ARHGEF7: variants seen among roughly 807,000 people sequenced by gnomAD.
The protein encoded by ARHGEF7 is Rho guanine nucleotide exchange factor 7, also known as PAK-interacting exchange factor beta.
Under a neutral mutation model 109.8 loss-of-function variants are expected in ARHGEF7, and 33 were observed. The ratio of observed to expected loss-of-function variants is 0.30; its 90% CI spans 0.23 to 0.40. The LOEUF is 0.40. ARHGEF7 is among the 10% of genes least tolerant of loss of function. The pLI, the probability that ARHGEF7 is intolerant of heterozygous loss-of-function variation, is 1.00. For missense variants in ARHGEF7, 938 were observed against 1,098.5 expected (o/e 0.85, Z 2.07); for synonymous variants, 458 against 424.6 (o/e 1.08, Z -0.97).
At position 111,125,143 on chromosome 13, in the gene ARHGEF7, T is replaced by C. The variant is rs1255400217; in HGVS notation, c.165+9452T>C. Among the ~76,000 whole-genome samples, 3 of 151,958 alleles carry C rather than the reference T, an allele frequency of 2.0e-5. No individual in the cohort carries two copies. The East Asian group carries it at 5.8e-4, about 29-fold the overall frequency. ...TGGAGGGATTTTTTTTCAAGAGAAG[T>C]GAGGCTGAAATAATTTTACTGTACT... On this transcript the variant is annotated intron_variant, in intron 1 of 21. Transcript: ENST00000646102.
At position 111,227,816 on chromosome 13, in the gene ARHGEF7, A is replaced by T. The variant is rs1209812128; in HGVS notation, c.671-5389A>T. 2.6e-5 allele frequency among the ~76,000 whole-genome samples: 4 copies of T among 152,240 alleles called. 1 individual carries two copies. The highest frequency in any genetic ancestry group is 2.6e-4 in the Admixed American group (4 of 15,286). On this transcript the variant is annotated intron_variant, in intron 5 of 21. Transcript: ENST00000646102. ...TTTGTATTTCAGTGACATTTGGCAGATACCTCCTGATGCCCCATTTTGTTC... is the reference window on the plus strand; with the variant it reads ...TTTGTATTTCAGTGACATTTGGCAGTTACCTCCTGATGCCCCATTTTGTTC...
intron 2 of ARHGEF7, among the ~76,000 whole-genome samples, chr13:111,196,970 C>G (rs1456420216): frequency 6.6e-6 from 1 of 152,164 alleles, no homozygotes; most frequent in Non-Finnish European, 1.5e-5. Context: ...TAAGCTGCCT[C>G]TTTTTCAGGG....
chr13:111,241,553 A>G (rs550344979), intron 6 of ARHGEF7, among the ~76,000 whole-genome samples: 20 of 152,340 alleles, frequency 1.3e-4, no homozygotes, highest in Admixed American at 3.3e-4. Context: ...GAATTAACCA[A>G]CTTAACTATT....
chr13:111,166,312 CG>C (rs2077123271), intron 2 of ARHGEF7, among the ~76,000 whole-genome samples: 1 of 152,110 alleles, frequency 6.6e-6, no homozygotes, highest in African/African-American at 2.4e-5. Context: ...TCGTGGGGAG[CG>C]AGATCAGGTG....
intron 5 of ARHGEF7, among the ~76,000 whole-genome samples, chr13:111,226,306 G>A (rs148880066): frequency 8.6e-4 from 131 of 152,380 alleles, no homozygotes; most frequent in African/African-American, 3.0e-3. Flanking sequence ...GAAGCAGCAC[G>A]TGCTGACGGA....
Position 111,154,049 on chromosome 13 carries a change from G to C in ARHGEF7, c.252+58G>C, listed in dbSNP as rs1226138596. On this transcript the variant is annotated intron_variant, in intron 2 of 21. Transcript: ENST00000646102. ...GCCGGGAAGACGGGGTTGGGCCCGG[G>C]GTGGGTGCTTCGCTCCAGCCGGACC... is the stretch of plus-strand genomic sequence containing the variant. 4.6e-5 allele frequency: 69 copies of C among 1,507,410 alleles called. 1 individual carries two copies. The South Asian group carries it at 8.3e-4, about 18-fold the overall frequency. 93.4% of individuals were successfully genotyped at this position (1,507,410 alleles called of 1,614,324 possible).
At chr13:111,218,167 TC>T (rs1012557874) in intron 5 of ARHGEF7, among the ~76,000 whole-genome samples, 1 of 151,856 alleles carries the variant, frequency 6.6e-6, no homozygotes, top group Non-Finnish European at 1.5e-5. Flanking sequence ...AAAGAATTGA[TC>T]TTTTTTTTTT....
chr13:111,280,524 C>T lies in ARHGEF7; in HGVS notation c.1586-14C>T, dbSNP rs1269647939. On this transcript the variant is annotated splice_polypyrimidine_tract_variant and intron_variant, in intron 14 of 21. Transcript: ENST00000646102. ...GTGTTTCCACTCGGCCTATTTTTTC[C>T]TTCTCTCCTATAGGGAGCATGATTG... 4.4e-6 allele frequency: 7 copies of T among 1,580,036 alleles called. No homozygotes were observed. The highest frequency in any genetic ancestry group is 2.2e-5 in the East Asian group (1 of 44,502).
At chr13:111,177,242 G>A (rs766307506) in intron 2 of ARHGEF7, among the ~76,000 whole-genome samples, 15 of 152,234 alleles carry the variant, frequency 9.9e-5, no homozygotes, top group Non-Finnish European at 1.8e-4. Flanking sequence ...CATTGTGGCC[G>A]GGGCTGAGGC....
chr13:111,293,862 T>C, intron 19 of ARHGEF7: 1 of 985,404 alleles, frequency 1.0e-6, no homozygotes, highest in Non-Finnish European at 1.2e-6. Flanking sequence ...AGTCTTGTCC[T>C]GGGAGCCGGG....
At chr13:111,250,527 A>AG (rs1375594591) in intron 8 of ARHGEF7, among the ~76,000 whole-genome samples, 3 of 152,216 alleles carry the variant, frequency 2.0e-5, no homozygotes. Context: ...CTGAGCACTG[A>AG]GGGGTAAATG....
intron 2 of ARHGEF7, among the ~76,000 whole-genome samples, chr13:111,197,231 G>A (rs1044968496): frequency 1.3e-5 from 2 of 151,258 alleles, no homozygotes; most frequent in East Asian, 1.9e-4. Context: ...GCTCGCCGAC[G>A]CAGCAGCAGA....
intron 18 of ARHGEF7, 127 bp downstream of exon 18, chr13:111,288,570 T>G (rs1008142502): frequency 9.1e-6 from 5 of 549,940 alleles, no homozygotes; most frequent in Non-Finnish European, 1.5e-5. Flanking sequence ...CAGTGAGTGA[T>G]GTTTCAGTCA....
Position 111,244,231 on chromosome 13 carries a change from G to A in ARHGEF7, c.887G>A (p.Gly296Glu), listed in dbSNP as rs2088361696. The A allele has an allele frequency of 6.2e-7, 1 of 1,609,652 alleles. No homozygotes were observed. Among genetic ancestry groups the A allele is most frequent in the African/African-American group, 1.3e-5 (1 of 74,738 alleles). ...TCAGCAAACATTTCATATTTAATGGGAAATCTAGAAGAAATATGTTCTTTC... is the reference window on the plus strand; with the variant it reads ...TCAGCAAACATTTCATATTTAATGGAAAATCTAGAAGAAATATGTTCTTTC... ...LSSANISYLM[G>E]NLEEICSFQQ... The change falls in exon 8 of 22, where the codon GGA becomes GAA. Residue 296 changes from glycine to glutamate, a missense_variant. Gly to Glu is a moderately conservative substitution (Grantham distance 98). Coordinates refer to ENST00000646102, the MANE Select transcript of ARHGEF7 (RefSeq NM_001354046.2).
At chr13:111,263,169 G>A (rs549781617) in intron 8 of ARHGEF7, among the ~76,000 whole-genome samples, 3 of 152,320 alleles carry the variant, frequency 2.0e-5, no homozygotes, top group East Asian at 1.9e-4. Flanking sequence ...CGTTATGCTC[G>A]AGTCCTAGGG....
chr13:111,216,256 C>T (rs1245753929), intron 4 of ARHGEF7, among the ~76,000 whole-genome samples: 1 of 152,090 alleles, frequency 6.6e-6, no homozygotes, highest in Non-Finnish European at 1.5e-5. Context: ...CCACAAGTCC[C>T]TGGGACTGAG....
chr13:111,116,848 C>G (rs1293799317), intron 1 of ARHGEF7, among the ~76,000 whole-genome samples: 1 of 152,192 alleles, frequency 6.6e-6, no homozygotes, highest in Non-Finnish European at 1.5e-5. Flanking sequence ...ATTTGGCTTG[C>G]ATTCCACTTT....
rs1399132467 is a variant in ARHGEF7 at position 111,255,704 on chromosome 13, T to C, written c.950+11410T>C. Among the ~76,000 whole-genome samples the C allele has an allele frequency of 2.0e-5, 3 of 152,242 alleles. No homozygotes were observed. Among genetic ancestry groups the C allele is most frequent in the Non-Finnish European group, 4.4e-5 (3 of 68,050 alleles). ...CAGTCACATTGGTGAGGGACTTTTTTCCTCACCCTTCCCATTTCTGCAGCT... is the reference window on the plus strand; with the variant it reads ...CAGTCACATTGGTGAGGGACTTTTTCCCTCACCCTTCCCATTTCTGCAGCT... On this transcript the variant is annotated intron_variant, in intron 8 of 21. Coordinates refer to ENST00000646102, the MANE Select transcript of ARHGEF7 (RefSeq NM_001354046.2). This position sits in a 1 kb window ranked among gnomAD's most constrained non-coding sequence, Gnocchi z 4.1.
chr13:111,286,275 G>A, intron 17 of ARHGEF7, 35 bp downstream of exon 17: 2 of 1,528,578 alleles, frequency 1.3e-6, no homozygotes, highest in Non-Finnish European at 9.1e-7. Context: ...GGAGGACGTG[G>A]CCTCCTGGTC....
Sources: gnomAD v4.1 joint callset for allele counts (sites outside exome capture counted in the v4.1 genomes callset) on GRCh38, gnomAD v4.1.1 for gene constraint, Gnocchi (gnomAD v3.1) non-coding constraint, MANE v1.5 for transcripts, NCBI Gene and HGNC (gene_info 2026-07-23, HGNC 2026-07-21) for gene names.